MTR: variants seen among roughly 807,000 people sequenced by gnomAD.
MTR encodes the protein 5-methyltetrahydrofolate-homocysteine methyltransferase.
A neutral mutation model predicts 154.8 loss-of-function variants in MTR; 84 were observed. The observed-to-expected ratio is 0.54, with a 90% confidence interval of 0.45 to 0.65. The LOEUF (loss-of-function observed/expected upper bound fraction) is 0.65. Among genes scored for constraint, MTR ranks in the 30% least tolerant of loss-of-function variants. MTR has a pLI of 0.00. For synonymous variants in MTR, 554 were observed against 553.9 expected, an observed-to-expected ratio of 1.00 and a Z score of 0.00; for missense variants, 1,275 against 1,570.2, an observed-to-expected ratio of 0.81 and a Z score of 3.18.
At chr1:236,862,013 A>G (rs183872094) in intron 20 of MTR, among the ~76,000 whole-genome samples, 1 of 152,324 alleles carries the variant, frequency 6.6e-6, no homozygotes, top group African/African-American at 2.4e-5. Flanking sequence ...AGAAATTGCA[A>G]CATTTGATTT....
chr1:236,853,331 T>TA (rs1026714791), intron 18 of MTR, among the ~76,000 whole-genome samples: 1 of 152,210 alleles, frequency 6.6e-6, no homozygotes, highest in African/African-American at 2.4e-5. Flanking sequence ...TTGTAAAATG[T>TA]AAAATTAATT....
intron 15 of MTR, among the ~76,000 whole-genome samples, chr1:236,839,056 ATTG>A (rs1424490998): frequency 6.6e-6 from 1 of 152,248 alleles, no homozygotes; most frequent in East Asian, 1.9e-4. Context: ...TTACGGAACC[ATTG>A]TTGTTTATAT....
chr1:236,893,689 G>A (rs751613964), intron 29 of MTR, among the ~76,000 whole-genome samples: 12 of 152,160 alleles, frequency 7.9e-5, no homozygotes, highest in Non-Finnish European at 1.6e-4. Flanking sequence ...TACCTTAGTT[G>A]CAGGGAAGAG....
At chr1:236,895,593 T>C in intron 31 of MTR, 43 bp downstream of exon 31, 1 of 1,542,222 alleles carries the variant, frequency 6.5e-7, no homozygotes, top group Non-Finnish European at 8.8e-7. Flanking sequence ...CCTTCTTCAG[T>C]AGATACTCTT....
Position 236,889,356 on chromosome 1 carries a change from C to A in MTR, c.3007+20C>A, listed in dbSNP as rs149877608. The A allele has an allele frequency of 1.5e-4, 243 of 1,613,698 alleles. No homozygotes were observed. The East Asian group carries it at 4.2e-3, about 28-fold the overall frequency. ...CAGTAGGTTAGTGCAGTAAGTCCTTCCTTTCTGCCTCTGATATTCAAGCTG... is the reference window on the plus strand; with the variant it reads ...CAGTAGGTTAGTGCAGTAAGTCCTTACTTTCTGCCTCTGATATTCAAGCTG... On this transcript the variant is annotated intron_variant, in intron 28 of 32. Coordinates refer to ENST00000366577, the MANE Select transcript of MTR (RefSeq NM_000254.3).
chr1:236,835,406 C>A, intron 13 of MTR, 141 bp from the exon 14 acceptor site: 1 of 927,228 alleles, frequency 1.1e-6, no homozygotes, highest in Non-Finnish European at 1.7e-6. Context: ...GATGGGTGGA[C>A]AGCAGGCCCG....
chr1:236,836,393 G>A (rs1318518660), intron 14 of MTR, among the ~76,000 whole-genome samples: 1 of 151,898 alleles, frequency 6.6e-6, no homozygotes, highest in Non-Finnish European at 1.5e-5. Context: ...CCACAGGCAC[G>A]CATCATTTAA....
chr1:236,848,801 C>G (rs1451742757), intron 15 of MTR, among the ~76,000 whole-genome samples: 2 of 152,116 alleles, frequency 1.3e-5, no homozygotes, highest in Non-Finnish European at 2.9e-5. Flanking sequence ...CCAAAGAAAA[C>G]AGTTGAAAAA....
At chr1:236,896,226 T>C (rs1026365968) in intron 31 of MTR, among the ~76,000 whole-genome samples, 14 of 152,216 alleles carry the variant, frequency 9.2e-5, no homozygotes, top group African/African-American at 3.4e-4. Context: ...GTTCTGTCAT[T>C]ACTGCAGAGT....
chr1:236,857,166 A>G (rs1177700972), intron 18 of MTR, among the ~76,000 whole-genome samples: 1 of 152,096 alleles, frequency 6.6e-6, no homozygotes. Flanking sequence ...AAGCATTCCT[A>G]TTTCTCCACA....
chr1:236,836,662 C>G (rs1662927891), intron 14 of MTR, among the ~76,000 whole-genome samples: 1 of 152,106 alleles, frequency 6.6e-6, no homozygotes, highest in African/African-American at 2.4e-5. Flanking sequence ...AAGTTAGAGT[C>G]TATGGTAGGT....
Position 236,795,477 on chromosome 1 carries a change from C to T in MTR, c.-227C>T, listed in dbSNP as rs755998525. 2 of 1,511,594 alleles carry T rather than the reference C, an allele frequency of 1.3e-6. No homozygotes were observed. The highest frequency in any genetic ancestry group is 2.5e-5 in the East Asian group (1 of 39,436). The allele number at this position is 1,511,594 out of a possible 1,614,324, so 93.6% of individuals were successfully genotyped here. A position where few individuals can be genotyped will look rare whatever the true frequency, so the allele number is the denominator to read the frequency against. On this transcript the variant is annotated 5_prime_UTR_variant, in exon 1 of 33. In the 5' UTR this introduces an upstream ATG that the reference lacks. Coordinates refer to ENST00000366577, the MANE Select transcript of MTR (RefSeq NM_000254.3). ...TGGCCGGGTACCCGGGAAGAAAGCA[C>T]GTGCTCCAGCAGTTGCCGCGCCCAG...
intron 10 of MTR, among the ~76,000 whole-genome samples, chr1:236,826,577 T>C (rs1662299789): frequency 6.6e-6 from 1 of 152,222 alleles, no homozygotes; most frequent in African/African-American, 2.4e-5. Context: ...ATTATAGGTG[T>C]GAGCCACCAT....
At chr1:236,867,466 A>G (rs1664881820) in intron 22 of MTR, among the ~76,000 whole-genome samples, 1 of 152,186 alleles carries the variant, frequency 6.6e-6, no homozygotes, top group African/African-American at 2.4e-5. Flanking sequence ...AGAGATATAC[A>G]AGGAGATGAA....
intron 29 of MTR, 140 bp downstream of exon 29, chr1:236,891,469 A>G: frequency 1.1e-6 from 1 of 929,390 alleles, no homozygotes. Context: ...GACCAGTCAC[A>G]CGCCCAAGCC....
Position 236,824,191 on chromosome 1 carries a change from A to G in MTR, c.837A>G (p.Thr279=). ...PFIEIIGKCT[T]AYVLCYPNAG... The stretch of plus-strand genomic sequence containing the variant: ...TTGAAATAATTGGAAAATGTACAAC[A>G]GCCTATGTCCTCTGTTATCCCAATG... Residue 279 remains threonine, a synonymous_variant, in exon 9 of 33, where the codon ACA becomes ACG. Coordinates refer to ENST00000366577, the MANE Select transcript of MTR (RefSeq NM_000254.3). 1.2e-6 allele frequency: 2 copies of G among 1,614,076 alleles called. No individual in the cohort carries two copies. Among genetic ancestry groups the G allele is most frequent in the Non-Finnish European group, 1.7e-6 (2 of 1,179,956 alleles).
rs555446996 is a variant in MTR, at chr1:236,885,913, C to T, written c.2776-379C>T. Among the ~76,000 whole-genome samples, 77 of 152,222 alleles carry T rather than the reference C, an allele frequency of 5.1e-4. No individual in the cohort carries two copies. In the South Asian group the frequency reaches 0.015, roughly 29 times the overall value. ...TGGCTTTTTTCTCTCTCCTTAGGTT[C>T]GCCCACAGTGGACAGTTTCTTTAAT... On this transcript the variant is annotated intron_variant, in intron 26 of 32. Coordinates refer to ENST00000366577, the MANE Select transcript of MTR (RefSeq NM_000254.3).
chr1:236,832,148 G>C, intron 13 of MTR, 70 bp downstream of exon 13: 1 of 1,197,242 alleles, frequency 8.4e-7, no homozygotes, highest in African/African-American at 1.5e-5. Context: ...AAATGAAACA[G>C]CTCTCTGCCT....
Position 236,903,746 on chromosome 1 carries a change from A to T in MTR, c.*6102A>T, listed in dbSNP as rs1450103596. 1 of 152,102 alleles carries T rather than the reference A, an allele frequency of 6.6e-6. No homozygotes were observed. The highest frequency in any genetic ancestry group is 1.5e-5 in the Non-Finnish European group (1 of 68,022). The allele number at this position is 152,102 out of a possible 1,614,324, so 9.4% of individuals were successfully genotyped here. A position where few individuals can be genotyped will look rare whatever the true frequency, so the allele number is the denominator to read the frequency against. On this transcript the variant is annotated 3_prime_UTR_variant, in exon 33 of 33. Transcript: ENST00000366577. ...GCAGCAGGTGAGGAAGGAACTCTGA[A>T]CTCTCACAATCTTGTTTCTTCATTT...
Sources: gnomAD v4.1 joint callset for allele counts (sites outside exome capture counted in the v4.1 genomes callset) on GRCh38, gnomAD v4.1.1 for gene constraint, MANE v1.5 for transcripts, NCBI Gene and HGNC (gene_info 2026-07-23, HGNC 2026-07-21) for gene names.